The following DISC1 variants were observed in gnomAD, a reference collection of about 807,000 sequenced individuals.
DISC1 encodes the protein disrupted in schizophrenia 1 protein.
DISC1 carries 57 observed loss-of-function variants against 84.5 expected under a neutral mutation model. The ratio of observed to expected loss-of-function variants is 0.67; its 90% CI spans 0.55 to 0.84. DISC1 has a LOEUF of 0.84. Among genes scored for constraint, DISC1 ranks in the 40% least tolerant of loss-of-function variants. DISC1 has a pLI of 0.00. For synonymous variants in DISC1, 411 were observed against 415.2 expected, an observed-to-expected ratio of 0.99 and a Z score of 0.12; for missense variants, 1,000 against 1,057.8, an observed-to-expected ratio of 0.95 and a Z score of 0.76.
At chr1:231,942,261 T>G (rs1366415883) in intron 9 of DISC1, among the ~76,000 whole-genome samples, 1 of 152,186 alleles carries the variant, frequency 6.6e-6, no homozygotes, top group Non-Finnish European at 1.5e-5. Context: ...GCTCCTCCCC[T>G]AAGAGGGAAC....
intron 6 of DISC1, among the ~76,000 whole-genome samples, chr1:231,778,039 G>T (rs1558527494): frequency 6.6e-6 from 1 of 152,170 alleles, no homozygotes; most frequent in Non-Finnish European, 1.5e-5. Context: ...GCCCAGCAGA[G>T]CCGTGGGTCT....
At chr1:231,667,539 C>T (rs201845238) in intron 1 of DISC1, among the ~76,000 whole-genome samples, 51 of 152,264 alleles carry the variant, frequency 3.3e-4, no homozygotes, top group South Asian at 1.0e-3. Context: ...TCAGTAAATC[C>T]AATTCAGCCT....
intron 6 of DISC1, among the ~76,000 whole-genome samples, chr1:231,779,549 GTTTTTTTTTTTT>G (rs762129889): frequency 6.9e-4 from 37 of 53,574 alleles, no homozygotes; most frequent in African/African-American, 2.3e-3. Flanking sequence ...ACCTATTCTT[GTTTTTTTTTTTT>G]TTTTTTTTTT....
At chr1:231,709,209 G>A (rs1046709602) in intron 3 of DISC1, among the ~76,000 whole-genome samples, 23 of 152,184 alleles carry the variant, frequency 1.5e-4, no homozygotes, top group African/African-American at 5.5e-4. Context: ...GTGTTTGCAG[G>A]TCTAAGTGTT....
At chr1:231,969,897 G>C (rs557518946) in intron 10 of DISC1, among the ~76,000 whole-genome samples, 25 of 152,172 alleles carry the variant, frequency 1.6e-4, no homozygotes, top group Admixed American at 1.5e-3. Context: ...ATGGTTTCCA[G>C]CTTCATCCAT....
intron 1 of DISC1, among the ~76,000 whole-genome samples, chr1:231,646,020 A>G (rs1490691663): frequency 5.9e-5 from 9 of 151,838 alleles, no homozygotes; most frequent in Non-Finnish European, 2.9e-5. Context: ...ACACATCTAC[A>G]GAACAGTCTA....
intron 7 of DISC1, among the ~76,000 whole-genome samples, chr1:231,796,243 A>T (rs1014830231): frequency 1.3e-5 from 2 of 152,172 alleles, no homozygotes; most frequent in African/African-American, 4.8e-5. Flanking sequence ...GAGAAACAGG[A>T]TCAATTACTC....
chr1:231,801,785 G>A (rs1328241063), intron 8 of DISC1, among the ~76,000 whole-genome samples: 1 of 150,650 alleles, frequency 6.6e-6, no homozygotes, highest in Non-Finnish European at 1.5e-5. Context: ...CATTAGGTAA[G>A]ATTCTTAAAA....
chr1:231,938,569 G>A (rs749310381), intron 9 of DISC1, among the ~76,000 whole-genome samples: 10 of 152,128 alleles, frequency 6.6e-5, no homozygotes, highest in Non-Finnish European at 1.0e-4. Context: ...ATAGCCCTGC[G>A]TTCACCATGG....
intron 10 of DISC1, among the ~76,000 whole-genome samples, chr1:231,980,919 A>G (rs1465615453): frequency 5.3e-5 from 8 of 152,220 alleles, no homozygotes; most frequent in African/African-American, 1.9e-4. Flanking sequence ...AGTACAAAAG[A>G]TGAAGATAGA....
At chr1:231,806,165 CCA>C (rs2079691349) in intron 8 of DISC1, among the ~76,000 whole-genome samples, 1 of 152,150 alleles carries the variant, frequency 6.6e-6, no homozygotes, top group Non-Finnish European at 1.5e-5. Context: ...ACGTGGCTTT[CCA>C]CAGAGTGAAT....
In DISC1 at chr1:231,881,420, C is replaced by G. The variant is rs559514222; in HGVS notation, c.1981+62903C>G. On this transcript the variant is annotated intron_variant, in intron 9 of 12. Transcript: ENST00000439617. ...GCCGTCTTCTCCCTCTGTCTCTTCTCATGGTCTTCCCTCTGTATCTGTATT... is the reference window on the plus strand; with the variant it reads ...GCCGTCTTCTCCCTCTGTCTCTTCTGATGGTCTTCCCTCTGTATCTGTATT... Among the ~76,000 whole-genome samples, 7 of 152,294 alleles carry G rather than the reference C, an allele frequency of 4.6e-5. No individual in the cohort carries two copies. The East Asian group carries it at 1.4e-3, about 29-fold the overall frequency.
chr1:231,810,032 A>G (rs1388768950), intron 8 of DISC1, among the ~76,000 whole-genome samples: 1 of 152,234 alleles, frequency 6.6e-6, no homozygotes, highest in African/African-American at 2.4e-5. Flanking sequence ...AATAGATTGT[A>G]TTTAAATCAC....
chr1:231,798,232 T>G (rs2078926663), intron 7 of DISC1, among the ~76,000 whole-genome samples: 1 of 151,970 alleles, frequency 6.6e-6, no homozygotes, highest in Non-Finnish European at 1.5e-5. Context: ...TCTTATGGGT[T>G]ACCCAAACCA....
At chr1:231,899,860 A>G (rs1420520395) in intron 9 of DISC1, among the ~76,000 whole-genome samples, 2 of 152,144 alleles carry the variant, frequency 1.3e-5, no homozygotes, top group African/African-American at 2.4e-5. Flanking sequence ...TTTCCATTCT[A>G]TGTTATTTTA....
chr1:231,770,424 A>G (rs2076463457), intron 5 of DISC1, among the ~76,000 whole-genome samples: 1 of 152,114 alleles, frequency 6.6e-6, no homozygotes, highest in East Asian at 1.9e-4. Context: ...TTGGGGACAG[A>G]CTAACAAAGG....
intron 2 of DISC1, among the ~76,000 whole-genome samples, chr1:231,699,586 A>G (rs1162295272): frequency 6.6e-6 from 1 of 152,040 alleles, no homozygotes; most frequent in Non-Finnish European, 1.5e-5. Context: ...CACCATCTTC[A>G]CCATTGCCAC....
At chr1:231,736,960 T>C (rs1267239052) in intron 3 of DISC1, among the ~76,000 whole-genome samples, 1 of 152,266 alleles carries the variant, frequency 6.6e-6, no homozygotes, top group Non-Finnish European at 1.5e-5. Context: ...TGCTTATAAA[T>C]GCTTATTTGA....
chr1:231,810,030 G>A lies in DISC1; in HGVS notation c.1793-8299G>A, dbSNP rs571419863. Among the ~76,000 whole-genome samples the A allele has an allele frequency of 1.8e-4, 27 of 152,272 alleles. No individual in the cohort carries two copies. The South Asian group carries it at 5.6e-3, about 32-fold the overall frequency. Reference sequence around the variant, plus strand: ...GATATAATCTAAAATAAAATAGATTGTATTTAAATCACTTTTTTATTATAT... The same window carrying A: ...GATATAATCTAAAATAAAATAGATTATATTTAAATCACTTTTTTATTATAT... On this transcript the variant is annotated intron_variant, in intron 8 of 12. Coordinates refer to ENST00000439617, the MANE Select transcript of DISC1 (RefSeq NM_018662.3).
Sources: allele counts gnomAD v4.1 joint callset (sites outside exome capture counted in the v4.1 genomes callset), GRCh38; gene constraint gnomAD v4.1.1; transcripts MANE v1.5; gene names NCBI Gene and HGNC (gene_info 2026-07-23, HGNC 2026-07-21).